The following SGCZ variants were observed in gnomAD, a reference collection of about 807,000 sequenced individuals.
SGCZ encodes zeta-sarcoglycan.
SGCZ carries 40 observed loss-of-function variants against 41.3 expected under a neutral mutation model. The observed-to-expected ratio is 0.97, with a 90% CI of 0.75 to 1.26. The LOEUF is 1.26. Ranked by LOEUF, SGCZ falls within the 50% of genes most tolerant of loss-of-function variation. SGCZ has a pLI of 0.00. For synonymous variants in SGCZ, 206 were observed against 137.5 expected (o/e 1.50, Z -3.49); for missense variants, 552 against 369.8 (o/e 1.49, Z -4.04).
At chr8:14,711,800 G>A (rs544026331) in intron 1 of SGCZ, among the ~76,000 whole-genome samples, 4 of 152,116 alleles carry the variant, frequency 2.6e-5, no homozygotes, top group African/African-American at 9.7e-5. Context: ...CGTTCTGATA[G>A]GAGATGGACA....
intron 1 of SGCZ, among the ~76,000 whole-genome samples, chr8:14,743,390 A>G (rs1799250625): frequency 6.6e-6 from 1 of 152,138 alleles, no homozygotes; most frequent in Non-Finnish European, 1.5e-5. Context: ...ACAGTTTTAA[A>G]TATTAAATCA....
chr8:15,080,284 C>T (rs896269419), intron 1 of SGCZ, among the ~76,000 whole-genome samples: 1 of 151,984 alleles, frequency 6.6e-6, no homozygotes, highest in African/African-American at 2.4e-5. Context: ...GCTCACAATG[C>T]CTGGCCACTT....
At chr8:15,173,041 A>G (rs574519146) in intron 1 of SGCZ, among the ~76,000 whole-genome samples, 5 of 152,362 alleles carry the variant, frequency 3.3e-5, no homozygotes, top group South Asian at 2.1e-4. Flanking sequence ...ATTCAAACAT[A>G]TAAGTCCTCG....
intron 1 of SGCZ, among the ~76,000 whole-genome samples, chr8:15,041,960 C>T (rs1208843867): frequency 6.6e-6 from 1 of 152,084 alleles, no homozygotes; most frequent in Admixed American, 6.6e-5. Context: ...CAACACAACG[C>T]TGTACATAAG....
At chr8:14,145,164 G>C (rs1803483649) in intron 5 of SGCZ, among the ~76,000 whole-genome samples, 1 of 152,144 alleles carries the variant, frequency 6.6e-6, no homozygotes, top group Admixed American at 6.5e-5. Flanking sequence ...TTCTGACCAA[G>C]TGCAGTCATA....
At chr8:14,305,950 G>A (rs1188425373) in intron 3 of SGCZ, among the ~76,000 whole-genome samples, 1 of 152,134 alleles carries the variant, frequency 6.6e-6, no homozygotes, top group Admixed American at 6.6e-5. Flanking sequence ...GAGACCACAT[G>A]GAGTGCCATT....
At chr8:14,268,150 G>C (rs1402584949) in intron 3 of SGCZ, among the ~76,000 whole-genome samples, 1 of 150,110 alleles carries the variant, frequency 6.7e-6, no homozygotes, top group Non-Finnish European at 1.5e-5. Context: ...ATAAAATATA[G>C]TGAGAAAAAC....
chr8:14,761,651 G>C (rs1029875053), intron 1 of SGCZ, among the ~76,000 whole-genome samples: 1 of 151,456 alleles, frequency 6.6e-6, no homozygotes, highest in Non-Finnish European at 1.5e-5. Flanking sequence ...AGCTTCAGGA[G>C]ATTAGCTGGG....
In SGCZ at chr8:14,126,692, T is replaced by C. The variant is rs561750667; in HGVS notation, c.548-18457A>G. 5.3e-5 allele frequency among the ~76,000 whole-genome samples: 8 copies of C among 152,320 alleles called. No individual in the cohort carries two copies. In the South Asian group the frequency reaches 8.3e-4, roughly 16 times the overall value. ...TTATAAAGATACACACACGTATGTT[T>C]ACTGCAACACTATTGACAGTAGCAA... On this transcript the variant is annotated intron_variant, in intron 5 of 7. Transcript: ENST00000382080.
intron 2 of SGCZ, among the ~76,000 whole-genome samples, chr8:14,549,436 T>G (rs1182920948): frequency 1.3e-5 from 2 of 151,974 alleles, no homozygotes; most frequent in African/African-American, 4.8e-5. Flanking sequence ...GAATCTGAAA[T>G]AGTTTACTGA....
chr8:14,202,645 C>G (rs1222139416), intron 4 of SGCZ, among the ~76,000 whole-genome samples: 2 of 152,020 alleles, frequency 1.3e-5, no homozygotes, highest in African/African-American at 4.8e-5. Context: ...TTCCATTGAT[C>G]TCCTTTCAAG....
chr8:15,223,194 A>G (rs1801661769), intron 1 of SGCZ, among the ~76,000 whole-genome samples: 1 of 152,176 alleles, frequency 6.6e-6, no homozygotes, highest in Non-Finnish European at 1.5e-5. Context: ...CGTTTCTGAA[A>G]CCCAACACCA....
At chr8:15,063,321 A>T (rs1046386564) in intron 1 of SGCZ, among the ~76,000 whole-genome samples, 1 of 152,152 alleles carries the variant, frequency 6.6e-6, no homozygotes, top group Non-Finnish European at 1.5e-5. Context: ...TGATTGGTTA[A>T]TGATTACTTA....
intron 4 of SGCZ, among the ~76,000 whole-genome samples, chr8:14,199,152 A>C (rs1805373755): frequency 6.6e-6 from 1 of 152,200 alleles, no homozygotes; most frequent in Non-Finnish European, 1.5e-5. Flanking sequence ...AAATGGGAGA[A>C]ATACTGCTGA....
At chr8:14,479,633 T>A (rs575423646) in intron 2 of SGCZ, among the ~76,000 whole-genome samples, 46 of 151,946 alleles carry the variant, frequency 3.0e-4, no homozygotes, top group African/African-American at 9.7e-4. Context: ...CTCTGCTAAG[T>A]CCTTCACATC....
At chr8:14,285,029 G>A (rs566389538) in intron 3 of SGCZ, among the ~76,000 whole-genome samples, 1 of 151,932 alleles carries the variant, frequency 6.6e-6, no homozygotes, top group African/African-American at 2.4e-5. Context: ...TTTTATATTG[G>A]ACAGATAGAG....
At chr8:14,967,126 A>G (rs1788716738) in intron 1 of SGCZ, among the ~76,000 whole-genome samples, 2 of 152,170 alleles carry the variant, frequency 1.3e-5, no homozygotes, top group Non-Finnish European at 2.9e-5. Flanking sequence ...CTGTAACATA[A>G]TTACTCATAG....
intron 1 of SGCZ, among the ~76,000 whole-genome samples, chr8:14,771,219 G>A (rs569394689): frequency 5.9e-5 from 9 of 152,220 alleles, no homozygotes; most frequent in African/African-American, 2.2e-4. Context: ...TATTGATAGT[G>A]ATCACCAAAA....
At chr8:14,724,112 G>A (rs1809976461) in intron 1 of SGCZ, among the ~76,000 whole-genome samples, 1 of 152,114 alleles carries the variant, frequency 6.6e-6, no homozygotes, top group Non-Finnish European at 1.5e-5. Flanking sequence ...ACTAGTGTAT[G>A]AGAAAAATGT....
Sources: gnomAD v4.1 joint callset for allele counts (sites outside exome capture counted in the v4.1 genomes callset) on GRCh38, gnomAD v4.1.1 for gene constraint, MANE v1.5 for transcripts, NCBI Gene and HGNC (gene_info 2026-07-23, HGNC 2026-07-21) for gene names.